CAB39L: variants seen among roughly 807,000 people sequenced by gnomAD.
CAB39L encodes the protein calcium-binding protein 39-like.
A neutral mutation model predicts 39.1 loss-of-function variants in CAB39L; 23 were observed. That is an observed-to-expected ratio of 0.59 (90% CI 0.42 to 0.83). CAB39L has a LOEUF of 0.83. Ranked by LOEUF, CAB39L falls within the 40% of genes least tolerant of loss-of-function variation. CAB39L has a pLI of 0.00. For missense variants in CAB39L, 366 were observed against 391.9 expected (o/e 0.93, Z 0.56); for synonymous variants, 126 against 137.2 (o/e 0.92, Z 0.57).
intron 3 of CAB39L, among the ~76,000 whole-genome samples, chr13:49,403,501 G>A (rs576205610): frequency 6.9e-4 from 105 of 151,886 alleles, no homozygotes; most frequent in African/African-American, 2.5e-3. Context: ...GGAGAAAATC[G>A]ATCATTAGAA....
At chr13:49,317,449 G>A (rs1265545203) in intron 10 of CAB39L, among the ~76,000 whole-genome samples, 2 of 152,134 alleles carry the variant, frequency 1.3e-5, no homozygotes, top group African/African-American at 4.8e-5. Context: ...AGGATCAATT[G>A]AGCCTGGGAG....
At position 49,351,295 on chromosome 13, in the gene CAB39L, T is replaced by TGTGA. The variant is rs915885009; in HGVS notation, c.396-387_396-384dup. Among the ~76,000 whole-genome samples the TGTGA allele has an allele frequency of 4.0e-5, 6 of 150,508 alleles. No homozygotes were observed. In the East Asian group the frequency reaches 1.2e-3, roughly 29 times the overall value. On this transcript the variant is annotated intron_variant, in intron 6 of 10. Transcript: ENST00000409308. ...GTGTGTGTGTGTGTGTGTGTGTGTG[T>TGTGA]GTGAGTGACTACTTAAGTTACTTTA...
chr13:49,330,955 A>G (rs1030877967), intron 10 of CAB39L, among the ~76,000 whole-genome samples: 1 of 152,206 alleles, frequency 6.6e-6, no homozygotes, highest in Non-Finnish European at 1.5e-5. Flanking sequence ...TACTGGCTCT[A>G]AAAACTATTT....
intron 9 of CAB39L, 86 bp downstream of exon 9, chr13:49,339,591 G>T: frequency 7.8e-7 from 1 of 1,288,770 alleles, no homozygotes; most frequent in Non-Finnish European, 1.0e-6. Context: ...TAATTTTTCT[G>T]TGTTTACTCA....
At chr13:49,379,959 A>G (rs1336290008) in intron 4 of CAB39L, among the ~76,000 whole-genome samples, 1 of 151,090 alleles carries the variant, frequency 6.6e-6, no homozygotes, top group Non-Finnish European at 1.5e-5. Flanking sequence ...CTCCTGCCTC[A>G]GCCTCCCAAG....
chr13:49,405,719 G>GAGGAAGGAAGAAGGA (rs1956857630), intron 3 of CAB39L, among the ~76,000 whole-genome samples: 1 of 94,988 alleles, frequency 1.1e-5, no homozygotes, highest in African/African-American at 3.8e-5. Flanking sequence ...GAAAGAGAGA[G>GAGGAAGGAAGAAGGA]AGGAAGGAAG....
chr13:49,337,732 GCACACACACACACACA>G (rs57089737), intron 9 of CAB39L, among the ~76,000 whole-genome samples: 11 of 144,212 alleles, frequency 7.6e-5, no homozygotes, highest in East Asian at 4.1e-4. Context: ...CTGCTCTGGC[GCACACACACACACACA>G]CACACACACA....
intron 3 of CAB39L, among the ~76,000 whole-genome samples, chr13:49,389,948 A>G (rs7319116): frequency 0.55 from 83,172 of 151,944 alleles, 24,133 homozygotes; most frequent in African/African-American, 0.72. Context: ...TCAGCCTCCC[A>G]AGTAGCTGGG....
At position 49,328,355 on chromosome 13, in the gene CAB39L, C is replaced by A. The variant is rs145699889; in HGVS notation, c.834+3592G>T. ...TCCACAATTACAAGTAAGAAGAACA[C>A]CTATTTATTGGCCAATCAGGTTTCC... On this transcript the variant is annotated intron_variant, in intron 10 of 10. Coordinates refer to ENST00000409308, the MANE Select transcript of CAB39L (RefSeq NM_001079670.3). Among the ~76,000 whole-genome samples the A allele has an allele frequency of 3.2e-3, 493 of 152,196 alleles. 1 individual carries two copies. The highest frequency in any genetic ancestry group is 0.011 in the African/African-American group (445 of 41,508).
intron 3 of CAB39L, among the ~76,000 whole-genome samples, chr13:49,393,781 T>C (rs1423113023): frequency 6.6e-6 from 1 of 151,908 alleles, no homozygotes; most frequent in Non-Finnish European, 1.5e-5. Flanking sequence ...ACAGTTCCAA[T>C]CAAATGTCCA....
chr13:49,371,189 C>CCTTTTTTTTTTTTT (rs1555258807), intron 5 of CAB39L, among the ~76,000 whole-genome samples: 1 of 102,242 alleles, frequency 9.8e-6, no homozygotes, highest in Admixed American at 1.0e-4. Flanking sequence ...CTTTTTCTTT[C>CCTTTTTTTTTTTTT]TTTTTTTTTT....
At chr13:49,329,321 G>A (rs1954599426) in intron 10 of CAB39L, among the ~76,000 whole-genome samples, 1 of 151,760 alleles carries the variant, frequency 6.6e-6, no homozygotes, top group Admixed American at 6.6e-5. Flanking sequence ...CAAGTTCCAG[G>A]GAAAGTCCAG....
Position 49,344,196 on chromosome 13 carries a change from C to T in CAB39L, c.607G>A (p.Glu203Lys). ...RHKVLVADFLEQNYDTIFEDY... is the reference protein window; with the variant it reads ...RHKVLVADFLKQNYDTIFEDY... ...CTACTTACAGTGTCGTAATTTTGTT[C>T]TAAGAAGTCTGCTACCAACACTTTA... Residue 203 changes from glutamate to lysine, a missense_variant, in exon 8 of 11, where the codon GAA (glutamate) becomes AAA (lysine). By Grantham distance (56) the Glu-to-Lys change is moderately conservative. Transcript: ENST00000409308. 6.3e-7 allele frequency: 1 copy of T among 1,599,014 alleles called. No homozygotes were observed. Among genetic ancestry groups the T allele is most frequent in the South Asian group, 1.1e-5 (1 of 90,224 alleles).
At chr13:49,316,864 A>G (rs1954172787) in intron 10 of CAB39L, among the ~76,000 whole-genome samples, 1 of 152,128 alleles carries the variant, frequency 6.6e-6, no homozygotes, top group South Asian at 2.1e-4. Flanking sequence ...TGACTGGTGA[A>G]CTCTGGACAC....
At chr13:49,380,136 G>T (rs1956222525) in intron 4 of CAB39L, among the ~76,000 whole-genome samples, 1 of 152,104 alleles carries the variant, frequency 6.6e-6, no homozygotes, top group African/African-American at 2.4e-5. Context: ...ACTGCATCCG[G>T]CCCAGTAATC....
In CAB39L at chr13:49,332,047, A is replaced by T. The variant is rs1235025302; in HGVS notation, c.734T>A (p.Met245Lys). The change falls in exon 10 of 11, where the codon ATG (methionine) becomes AAG (lysine). Residue 245 changes from methionine to lysine, a missense_variant. Transcript: ENST00000409308. ...LILDRHNFAI[M>K]TKYISKPENL... ...CTCCGGCTTGCTGATATACTTTGTC[A>T]TGATGGCAAAGTTGTGACGGTCCAG... The T allele has an allele frequency of 1.9e-6, 3 of 1,614,152 alleles. No homozygotes were observed. The highest frequency in any genetic ancestry group is 2.2e-5 in the South Asian group (2 of 91,076).
chr13:49,385,585 T>C (rs7317025), intron 3 of CAB39L, among the ~76,000 whole-genome samples: 81,336 of 152,068 alleles, frequency 0.53, 23,054 homozygotes, highest in African/African-American at 0.7. Context: ...CTAAGACTAA[T>C]CATTTTTCCA....
rs368313018 is a variant in CAB39L, at chr13:49,434,667, G to A, written c.-245-444C>T. 3.7e-4 allele frequency among the ~76,000 whole-genome samples: 56 copies of A among 151,978 alleles called. 2 individuals are homozygous for A. In the South Asian group the frequency reaches 0.011, roughly 31 times the overall value. The stretch of plus-strand genomic sequence containing the variant: ...GCCTGGGAGTTTGGGACCAGCCTGA[G>A]CAATATGGTGACACCTTGTCTCTAC... On this transcript the variant is annotated intron_variant, in intron 1 of 10. Coordinates refer to ENST00000409308, the MANE Select transcript of CAB39L (RefSeq NM_001079670.3).
At chr13:49,422,836 C>T (rs1278162030) in intron 3 of CAB39L, among the ~76,000 whole-genome samples, 1 of 151,906 alleles carries the variant, frequency 6.6e-6, no homozygotes. Context: ...TATTAGTTAC[C>T]GTGCAATTCT....
Sources: gnomAD v4.1 joint callset for allele counts (sites outside exome capture counted in the v4.1 genomes callset) on GRCh38, gnomAD v4.1.1 for gene constraint, MANE v1.5 for transcripts, NCBI Gene and HGNC (gene_info 2026-07-23, HGNC 2026-07-21) for gene names.